The following RASAL2 variants were observed in gnomAD, a reference collection of about 807,000 sequenced individuals.
RASAL2 encodes ras GTPase-activating protein nGAP.
RASAL2 carries 58 observed loss-of-function variants against 128.9 expected under a neutral mutation model. The ratio of observed to expected loss-of-function variants is 0.45; its 90% CI spans 0.36 to 0.56. The LOEUF is 0.56. RASAL2 is among the 20% of genes least tolerant of loss of function. The pLI, the probability that RASAL2 is intolerant of heterozygous loss-of-function variation, is 0.00. For missense variants in RASAL2, 1,360 were observed against 1,601.6 expected (o/e 0.85, Z 2.57); for synonymous variants, 561 against 580.8 (o/e 0.97, Z 0.49).
At chr1:178,182,328 T>C (rs1192788248) in intron 1 of RASAL2, among the ~76,000 whole-genome samples, 1 of 152,188 alleles carries the variant, frequency 6.6e-6, no homozygotes, top group Admixed American at 6.5e-5. Flanking sequence ...ATCTTACATA[T>C]TTCCTGTTCC....
At chr1:178,182,575 T>A (rs994209802) in intron 1 of RASAL2, among the ~76,000 whole-genome samples, 5 of 152,310 alleles carry the variant, frequency 3.3e-5, no homozygotes, top group Non-Finnish European at 7.4e-5. Flanking sequence ...AAATGTAAGT[T>A]CATATTAATG....
chr1:178,322,007 T>G (rs966356285), intron 3 of RASAL2, among the ~76,000 whole-genome samples: 1 of 151,832 alleles, frequency 6.6e-6, no homozygotes, highest in African/African-American at 2.4e-5. Context: ...AAAAAAATTT[T>G]TTTTTGGTAG....
chr1:178,377,493 A>C (rs1031257257), intron 3 of RASAL2, among the ~76,000 whole-genome samples: 1 of 152,174 alleles, frequency 6.6e-6, no homozygotes, highest in African/African-American at 2.4e-5. Flanking sequence ...TATTAGAGTT[A>C]AGTTTTAATG....
At chr1:178,157,732 C>T (rs575220695) in intron 1 of RASAL2, among the ~76,000 whole-genome samples, 90 of 152,134 alleles carry the variant, frequency 5.9e-4, no homozygotes, top group Admixed American at 1.7e-3. Context: ...TTTAGACTTG[C>T]GTACATTCAC....
chr1:178,176,846 C>T (rs565116699), intron 1 of RASAL2, among the ~76,000 whole-genome samples: 38 of 152,064 alleles, frequency 2.5e-4, no homozygotes, highest in Admixed American at 2.4e-3. Flanking sequence ...GACAGGGTTT[C>T]ACTATGTTGC....
At chr1:178,294,627 C>T (rs1035376989) in intron 2 of RASAL2, among the ~76,000 whole-genome samples, 2 of 152,198 alleles carry the variant, frequency 1.3e-5, no homozygotes, top group Non-Finnish European at 1.5e-5. Context: ...GTCCATCTAT[C>T]GATCAATCGA....
chr1:178,313,814 G>A (rs943197857), intron 3 of RASAL2, among the ~76,000 whole-genome samples: 3 of 152,114 alleles, frequency 2.0e-5, no homozygotes, highest in Non-Finnish European at 2.9e-5. Context: ...TATTAAGTTA[G>A]CCTTTAAAAC....
intron 3 of RASAL2, among the ~76,000 whole-genome samples, chr1:178,314,253 T>G (rs182167021): frequency 6.6e-6 from 1 of 152,354 alleles, no homozygotes; most frequent in Non-Finnish European, 1.5e-5. Flanking sequence ...ATTTTTACTG[T>G]GTCTCTTGCA....
intron 9 of RASAL2, among the ~76,000 whole-genome samples, chr1:178,447,673 T>TAAAAAA (rs60358768): frequency 4.6e-4 from 26 of 56,048 alleles, no homozygotes; most frequent in East Asian, 6.4e-4. Flanking sequence ...CTCCTTCTCT[T>TAAAAAA]AAAAAAAAAA....
intron 3 of RASAL2, among the ~76,000 whole-genome samples, chr1:178,357,514 A>G (rs1670874593): frequency 2.0e-5 from 3 of 152,110 alleles, no homozygotes; most frequent in Admixed American, 2.0e-4. Flanking sequence ...TCTTACTGAT[A>G]TAGGGAATTC....
Position 178,452,434 on chromosome 1 carries a change from G to A in RASAL2, c.1791G>A (p.Leu597=). ...TCCCTAGTGTTTTCCCTCGTGAGTTGAAAGAAGTGTTTGCATCATGGAAGC... is the reference window on the plus strand; with the variant it reads ...TCCCTAGTGTTTTCCCTCGTGAGTTAAAAGAAGTGTTTGCATCATGGAAGC... ...INSYCVFPRE[L]KEVFASWKQQ... The change falls in exon 11 of 18, where the codon TTG becomes TTA. Residue 597 remains leucine, a synonymous_variant. Coordinates refer to ENST00000367649, the MANE Select transcript of RASAL2 (RefSeq NM_170692.4). 2 of 1,614,016 alleles carry A rather than the reference G, an allele frequency of 1.2e-6. No individual in the cohort carries two copies. The highest frequency in any genetic ancestry group is 1.7e-6 in the Non-Finnish European group (2 of 1,179,916).
chr1:178,397,508 G>T (rs1673313599), intron 4 of RASAL2, among the ~76,000 whole-genome samples: 1 of 152,126 alleles, frequency 6.6e-6, no homozygotes, highest in African/African-American at 2.4e-5. Flanking sequence ...ATGGGCATGG[G>T]GTTTCTTTTT....
intron 1 of RASAL2, among the ~76,000 whole-genome samples, chr1:178,163,715 G>A (rs185042612): frequency 6.6e-6 from 1 of 152,240 alleles, no homozygotes; most frequent in East Asian, 1.9e-4. Context: ...GGGAAAATGC[G>A]AGTACTCCAA....
At chr1:178,129,694 A>G (rs1660031237) in intron 1 of RASAL2, among the ~76,000 whole-genome samples, 1 of 151,844 alleles carries the variant, frequency 6.6e-6, no homozygotes, top group Non-Finnish European at 1.5e-5. Context: ...TTTTGAAGAA[A>G]TTTTATAGTT....
At chr1:178,190,417 G>A (rs1332151815) in intron 1 of RASAL2, among the ~76,000 whole-genome samples, 3 of 151,940 alleles carry the variant, frequency 2.0e-5, no homozygotes, top group African/African-American at 7.3e-5. Flanking sequence ...ATTTGTTTGT[G>A]GTTTTACACT....
At chr1:178,378,079 A>C in intron 3 of RASAL2, among the ~76,000 whole-genome samples, 1 of 152,106 alleles carries the variant, frequency 6.6e-6, no homozygotes, top group East Asian at 1.9e-4. Context: ...GGTAAAAATA[A>C]AATCCAATTA....
intron 1 of RASAL2, among the ~76,000 whole-genome samples, chr1:178,225,906 T>C (rs1258574293): frequency 1.3e-5 from 2 of 152,206 alleles, no homozygotes; most frequent in Admixed American, 1.3e-4. Flanking sequence ...CTAGGATTAC[T>C]GTATCTTTGA....
chr1:178,165,618 A>G lies in RASAL2; in HGVS notation c.202+70924A>G, dbSNP rs544431348. Among the ~76,000 whole-genome samples the G allele has an allele frequency of 3.3e-5, 5 of 152,310 alleles. No individual in the cohort carries two copies. In the East Asian group the frequency reaches 9.6e-4, roughly 29 times the overall value. ...CACATATACACACAAATGCAAACAC[A>G]GTATGTTTTATTTAGAAACAGTGGA... On this transcript the variant is annotated intron_variant, in intron 1 of 17. Coordinates refer to ENST00000367649, the MANE Select transcript of RASAL2 (RefSeq NM_170692.4).
At chr1:178,157,074 C>T (rs1468512780) in intron 1 of RASAL2, among the ~76,000 whole-genome samples, 6 of 152,064 alleles carry the variant, frequency 3.9e-5, no homozygotes, top group Non-Finnish European at 7.4e-5. Flanking sequence ...ATTTGGTGGG[C>T]TTTGACTGTC....
Sources: allele counts gnomAD v4.1 joint callset (sites outside exome capture counted in the v4.1 genomes callset), GRCh38; gene constraint gnomAD v4.1.1; transcripts MANE v1.5; gene names NCBI Gene and HGNC (gene_info 2026-07-23, HGNC 2026-07-21).